Variants in SPI1 observed in about 807,000 individuals in gnomAD.
SPI1 encodes transcription factor PU.1.
Under a neutral mutation model 30.7 loss-of-function variants are expected in SPI1, and 3 were observed. That is an observed-to-expected ratio of 0.10 (90% CI 0.04 to 0.25). The LOEUF (loss-of-function observed/expected upper bound fraction) is 0.25, where lower values mean the gene tolerates loss of function less well. Ranked by LOEUF, SPI1 falls within the 10% of genes least tolerant of loss-of-function variation. The pLI is 1.00. For missense variants in SPI1, 261 were observed against 371.5 expected (o/e 0.70, Z 2.45); for synonymous variants, 169 against 157.1 (o/e 1.08, Z -0.56).
intron 2 of SPI1, among the ~76,000 whole-genome samples, chr11:47,367,598 A>T (rs1394119825): frequency 6.6e-6 from 1 of 150,918 alleles, no homozygotes; most frequent in African/African-American, 2.4e-5. Flanking sequence ...ATCCCAGCAC[A>T]CTCATTAGGA....
Position 47,355,489 on chromosome 11 carries a change from T to G in SPI1, c.551A>C (p.Asp184Ala), listed in dbSNP as rs745555416. 6.2e-7 allele frequency: 1 copy of G among 1,612,096 alleles called. No individual in the cohort carries two copies. The highest frequency in any genetic ancestry group is 8.5e-7 in the Non-Finnish European group (1 of 1,179,038). ...CACCCACCAGATGCTGTCCTTCATG[T>G]CGCCGCTGCGGAGCAGGTCCAACAG... ...QFLLDLLRSGDMKDSIWWVDK... is the reference protein window; with the variant it reads ...QFLLDLLRSGAMKDSIWWVDK... The change falls in exon 5 of 5, where the codon GAC becomes GCC. Residue 184 changes from aspartate to alanine, a missense_variant. By Grantham distance (126) the Asp-to-Ala change is moderately radical (BLOSUM62 -2). This residue lies in a region of SPI1 where 43 missense variants were observed against 123.8 expected (regional missense o/e 0.35). Transcript: ENST00000378538.
intron 4 of SPI1, 44 bp from the exon 5 acceptor site, chr11:47,355,590 T>G (rs768218665): frequency 6.7e-7 from 1 of 1,499,692 alleles, no homozygotes; most frequent in Non-Finnish European, 8.9e-7. Context: ...GGGGCCCACA[T>G]GGGAGCCGCC....
Position 47,358,834 on chromosome 11 carries a change from G to A in SPI1, c.493+10C>T. The A allele has an allele frequency of 6.5e-6, 10 of 1,548,450 alleles. No homozygotes were observed. The highest frequency in any genetic ancestry group is 8.7e-6 in the Non-Finnish European group (10 of 1,145,728). On this transcript the variant is annotated intron_variant, in intron 4 of 4. Coordinates refer to ENST00000378538, the MANE Select transcript of SPI1 (RefSeq NM_003120.3). ...GGGTCGGGGCCAGGGTGGAGGGCCAGGTGCCCCACCTGTCTCCCCAGGCAG... is the reference window on the plus strand; with the variant it reads ...GGGTCGGGGCCAGGGTGGAGGGCCAAGTGCCCCACCTGTCTCCCCAGGCAG...
At position 47,359,067 on chromosome 11, in the gene SPI1, G is replaced by C; in HGVS notation, c.331-61C>G. On this transcript the variant is annotated intron_variant, in intron 3 of 4. Coordinates refer to ENST00000378538, the MANE Select transcript of SPI1 (RefSeq NM_003120.3). This position sits in a 1 kb window ranked among gnomAD's most constrained non-coding sequence, Gnocchi z 5.1. ...GGCCAGCTTACAGCTCAGGGGGGCT[G>C]GGAGGGAGGTCAGCTGGGGAGAGAA... is the stretch of plus-strand genomic sequence containing the variant. 6.8e-7 allele frequency: 1 copy of C among 1,460,916 alleles called. No individual in the cohort carries two copies. The highest frequency in any genetic ancestry group is 9.1e-7 in the Non-Finnish European group (1 of 1,093,840). The allele number at this position is 1,460,916 out of a possible 1,614,324, so 90.5% of individuals were successfully genotyped here. A position where few individuals can be genotyped will look rare whatever the true frequency, so the allele number is the denominator to read the frequency against.
intron 4 of SPI1, among the ~76,000 whole-genome samples, chr11:47,357,463 A>G (rs1451397373): frequency 6.6e-6 from 1 of 151,428 alleles, no homozygotes; most frequent in Non-Finnish European, 1.5e-5. Flanking sequence ...TCAGACACCT[A>G]CTTGCACACT....
chr11:47,355,673 C>T, intron 4 of SPI1, 127 bp from the exon 5 acceptor site: 1 of 758,038 alleles, frequency 1.3e-6, no homozygotes, highest in South Asian at 1.9e-5. Flanking sequence ...GCTGCCCCAG[C>T]CCGCGCCGGG....
Position 47,354,864 on chromosome 11 carries a change from T to G in SPI1, c.*363A>C. On this transcript the variant is annotated 3_prime_UTR_variant, in exon 5 of 5. Coordinates refer to ENST00000378538, the MANE Select transcript of SPI1 (RefSeq NM_003120.3). ...AGACTCTGTGCTGCAAGAGGATGGA[T>G]TGAGAATAACTTTACTTGTTTTTTG... The G allele has an allele frequency of 2.6e-5, 5 of 188,776 alleles. No homozygotes were observed. The highest frequency in any genetic ancestry group is 1.1e-5 in the Non-Finnish European group (1 of 91,890). The allele number at this position is 188,776 out of a possible 1,614,324, so 11.7% of individuals were successfully genotyped here.
intron 4 of SPI1, among the ~76,000 whole-genome samples, chr11:47,356,382 T>C (rs891877275): frequency 3.7e-5 from 5 of 136,938 alleles, no homozygotes; most frequent in African/African-American, 1.4e-4. Flanking sequence ...TCACACCTCA[T>C]TCACACCCAC....
chr11:47,362,244 C>T (rs1008900992), intron 2 of SPI1, among the ~76,000 whole-genome samples: 1 of 152,066 alleles, frequency 6.6e-6, no homozygotes, highest in South Asian at 2.1e-4. Flanking sequence ...TCATCATTAT[C>T]ATTATTATTA....
chr11:47,369,107 C>G (rs1036817280), intron 2 of SPI1, among the ~76,000 whole-genome samples: 1 of 151,982 alleles, frequency 6.6e-6, no homozygotes, highest in Non-Finnish European at 1.5e-5. Flanking sequence ...AAGAAATTAG[C>G]CAGGTGTGGT....
At chr11:47,360,112 T>C in intron 2 of SPI1, 72 bp from the exon 3 acceptor site, 3 of 1,290,722 alleles carry the variant, frequency 2.3e-6, no homozygotes, top group Non-Finnish European at 3.1e-6. Context: ...ATAGTAACAT[T>C]AAATAATACT....
intron 2 of SPI1, among the ~76,000 whole-genome samples, chr11:47,362,570 C>CT (rs377422572): frequency 0.54 from 57,982 of 107,344 alleles, 16,855 homozygotes; most frequent in African/African-American, 0.66. Flanking sequence ...GACCCTGTCT[C>CT]TTTTTTTTTT....
At chr11:47,360,773 C>T (rs1421318643) in intron 2 of SPI1, among the ~76,000 whole-genome samples, 2 of 149,398 alleles carry the variant, frequency 1.3e-5, no homozygotes, top group Non-Finnish European at 3.0e-5. Context: ...AGCAGTGAGC[C>T]GAGATTGCGC....
At chr11:47,361,576 G>A (rs1274029299) in intron 2 of SPI1, among the ~76,000 whole-genome samples, 7 of 152,156 alleles carry the variant, frequency 4.6e-5, no homozygotes, top group Non-Finnish European at 8.8e-5. Context: ...AAAATGAAGC[G>A]TGGTAATAAA....
chr11:47,367,630 A>G (rs1332458794), intron 2 of SPI1, among the ~76,000 whole-genome samples: 7 of 151,936 alleles, frequency 4.6e-5, no homozygotes, highest in African/African-American at 7.2e-5. Flanking sequence ...TAAAAAAAAA[A>G]GAAAGAAAAA....
chr11:47,363,217 TA>T (rs1353971718), intron 2 of SPI1, among the ~76,000 whole-genome samples: 2 of 152,258 alleles, frequency 1.3e-5, no homozygotes, highest in East Asian at 3.9e-4. Context: ...TGCCTCTTTT[TA>T]AAAATAAAAA....
At chr11:47,367,332 T>C (rs1254009590) in intron 2 of SPI1, among the ~76,000 whole-genome samples, 1 of 152,036 alleles carries the variant, frequency 6.6e-6, no homozygotes, top group Non-Finnish European at 1.5e-5. Flanking sequence ...GGTGGGTGGA[T>C]CATTTTAGGT....
intron 2 of SPI1, among the ~76,000 whole-genome samples, chr11:47,361,087 C>T (rs993889806): frequency 3.3e-5 from 5 of 151,984 alleles, no homozygotes; most frequent in South Asian, 2.1e-4. Context: ...CGCCACTGCA[C>T]TCCAGCCTGG....
At position 47,355,266 on chromosome 11, in the gene SPI1, G is replaced by T. The variant is rs770379421; in HGVS notation, c.774C>A (p.Gly258=). The part of the protein sequence containing the change: ...LTYQFSGEVL[G]RGGLAERRHP... ...GGCGCCGCTCGGCCAGGCCCCCGCG[G>T]CCCAGCACTTCGCCGCTGAACTGGT... The change falls in exon 5 of 5, where the codon GGC becomes GGA. Residue 258 remains glycine, a synonymous_variant. Transcript: ENST00000378538. 6.5e-7 allele frequency: 1 copy of T among 1,536,160 alleles called. No homozygotes were observed. The highest frequency in any genetic ancestry group is 2.5e-5 in the East Asian group (1 of 40,568).
Sources: allele counts gnomAD v4.1 joint callset (sites outside exome capture counted in the v4.1 genomes callset), GRCh38; gene constraint gnomAD v4.1.1; regional missense constraint gnomAD v4.1.1; non-coding constraint Gnocchi (gnomAD v3.1); transcripts MANE v1.5; gene names NCBI Gene and HGNC (gene_info 2026-07-23, HGNC 2026-07-21).